TBC1D12: variants seen among roughly 807,000 people sequenced by gnomAD.
The protein encoded by TBC1D12 is TBC1 domain family member 12.
In TBC1D12, 56 loss-of-function variants were observed where a neutral mutation model predicts 86.7. That is an observed-to-expected ratio of 0.65 (90% confidence interval 0.52 to 0.81). The LOEUF (loss-of-function observed/expected upper bound fraction) is 0.81, where lower values mean the gene tolerates loss of function less well. TBC1D12 is among the 30% of genes least tolerant of loss of function. The pLI, the probability that TBC1D12 is intolerant of heterozygous loss-of-function variation, is 0.00. For synonymous variants in TBC1D12, 421 were observed against 411.7 expected, an observed-to-expected ratio of 1.02 and a Z score of -0.27; for missense variants, 1,023 against 1,038.8, an observed-to-expected ratio of 0.98 and a Z score of 0.21.
At chr10:94,490,185 G>A (rs1229582420) in intron 3 of TBC1D12, among the ~76,000 whole-genome samples, 3 of 152,080 alleles carry the variant, frequency 2.0e-5, no homozygotes, top group Non-Finnish European at 4.4e-5. Flanking sequence ...CAACTGGGAG[G>A]TGGAGGTTAC....
rs1017566788 is a variant in TBC1D12, at chr10:94,403,231, C to A, written c.618C>A (p.Ala206=). ...CGCTGCGGAGCTGCTGCCTGGTGGC[C>A]GCGGACGCCCAGGAGCCCGAGGGCG... ...EDPLRSCCLV[A]ADAQEPEGAG... is the part of the protein sequence containing the mutation. The change falls in exon 1 of 13, where the codon GCC becomes GCA. Residue 206 remains alanine, a synonymous_variant. Coordinates refer to ENST00000225235, the MANE Select transcript of TBC1D12 (RefSeq NM_015188.2). 6.6e-7 allele frequency: 1 copy of A among 1,506,942 alleles called. No individual in the cohort carries two copies. The highest frequency in any genetic ancestry group is 8.9e-7 in the Non-Finnish European group (1 of 1,129,760). The allele number at this position is 1,506,942 out of a possible 1,614,324, so 93.3% of individuals were successfully genotyped here. A position where few individuals can be genotyped will look rare whatever the true frequency, so the allele number is the denominator to read the frequency against.
chr10:94,449,333 C>T lies in TBC1D12; in HGVS notation c.1095+7314C>T, dbSNP rs547074752. On this transcript the variant is annotated intron_variant, in intron 2 of 12. Coordinates refer to ENST00000225235, the MANE Select transcript of TBC1D12 (RefSeq NM_015188.2). ...GGTAACTTTGCAAAAATGAAGTTTA[C>T]TACGGTACTCTTATATGCCAGAAAG... Among the ~76,000 whole-genome samples the T allele has an allele frequency of 1.3e-3, 194 of 152,238 alleles. 1 individual carries two copies. The highest frequency in any genetic ancestry group is 2.1e-3 in the Non-Finnish European group (142 of 68,016).
chr10:94,475,108 C>G (rs756227791), intron 3 of TBC1D12, among the ~76,000 whole-genome samples: 1 of 152,138 alleles, frequency 6.6e-6, no homozygotes, highest in African/African-American at 2.4e-5. Flanking sequence ...AAGACTTACG[C>G]ATATTTTCTA....
intron 9 of TBC1D12, among the ~76,000 whole-genome samples, chr10:94,518,069 G>A (rs775771881): frequency 2.0e-5 from 3 of 151,738 alleles, no homozygotes; most frequent in Non-Finnish European, 4.4e-5. Flanking sequence ...AAGGAGAATT[G>A]CTTGAACTCA....
Position 94,472,580 on chromosome 10 carries a change from A to G in TBC1D12, c.1096-2088A>G, listed in dbSNP as rs2055924927. ...GTGAAACCAGGTTACCTTGTAGGAA[A>G]ATAAAACACCATTTAAATTATAACA... is the stretch of plus-strand genomic sequence containing the variant. On this transcript the variant is annotated intron_variant, in intron 2 of 12. Transcript: ENST00000225235. Among the ~76,000 whole-genome samples, 3 of 152,224 alleles carry G rather than the reference A, an allele frequency of 2.0e-5. No individual in the cohort carries two copies. The South Asian group carries it at 6.2e-4, about 32-fold the overall frequency.
intron 1 of TBC1D12, among the ~76,000 whole-genome samples, chr10:94,417,750 CTTTT>C (rs35840263): frequency 5.3e-5 from 7 of 131,700 alleles, no homozygotes; most frequent in Admixed American, 7.7e-5. Context: ...GTCTCTTCTT[CTTTT>C]TTTTTTTTTT....
intron 2 of TBC1D12, among the ~76,000 whole-genome samples, chr10:94,472,600 A>T (rs975154879): frequency 6.6e-6 from 1 of 152,236 alleles, no homozygotes; most frequent in Non-Finnish European, 1.5e-5. Flanking sequence ...CATTTAAATT[A>T]TAACAAATTT....
chr10:94,493,314 G>T (rs2134176578), intron 3 of TBC1D12, 51 bp from the exon 4 acceptor site: 1 of 1,410,654 alleles, frequency 7.1e-7, no homozygotes, highest in Non-Finnish European at 9.9e-7. Context: ...TTAGTAAGTT[G>T]AAAGTTAATC....
chr10:94,529,921 C>T (rs1281562667), intron 11 of TBC1D12, among the ~76,000 whole-genome samples: 1 of 152,138 alleles, frequency 6.6e-6, no homozygotes, highest in Admixed American at 6.5e-5. Flanking sequence ...GAGTTTTATA[C>T]TACCAAAAGT....
At chr10:94,407,525 T>C (rs764968097) in intron 1 of TBC1D12, among the ~76,000 whole-genome samples, 18 of 151,906 alleles carry the variant, frequency 1.2e-4, no homozygotes, top group Non-Finnish European at 2.5e-4. Flanking sequence ...CTACTACAAA[T>C]ACAAAAAAAT....
At position 94,402,655 on chromosome 10, in the gene TBC1D12, C is replaced by T; in HGVS notation, c.42C>T (p.Asn14=). The T allele has an allele frequency of 6.2e-7, 1 of 1,611,428 alleles. No individual in the cohort carries two copies. The highest frequency in any genetic ancestry group is 1.3e-5 in the African/African-American group (1 of 74,998). The change falls in exon 1 of 13, where the codon AAC becomes AAT. Residue 14 remains asparagine (N), a synonymous_variant. Transcript: ENST00000225235. ...PEDAGACSGR[N]PKLLPVPAPD... is the part of the protein sequence containing the mutation. ...ATGCCGGAGCCTGCTCGGGAAGAAA[C>T]CCCAAGTTGCTCCCGGTGCCTGCGC...
chr10:94,483,039 C>CTTTTTT (rs71031579), intron 3 of TBC1D12, among the ~76,000 whole-genome samples: 10 of 124,612 alleles, frequency 8.0e-5, no homozygotes, highest in Non-Finnish European at 1.1e-4. Flanking sequence ...TATTCTTCTT[C>CTTTTTT]TTTTTTTTTT....
chr10:94,491,548 C>T (rs1282725561), intron 3 of TBC1D12, among the ~76,000 whole-genome samples: 1 of 152,304 alleles, frequency 6.6e-6, no homozygotes, highest in African/African-American at 2.4e-5. Context: ...AAGGCAATTT[C>T]AGTTACCTGT....
chr10:94,481,554 C>T (rs564188938), intron 3 of TBC1D12, among the ~76,000 whole-genome samples: 2 of 152,200 alleles, frequency 1.3e-5, no homozygotes, highest in African/African-American at 4.8e-5. Context: ...TCTCACCCTT[C>T]ATAGAATTGA....
Position 94,522,092 on chromosome 10 carries a change from G to T in TBC1D12, c.1890+9G>T. 1.2e-6 allele frequency: 2 copies of T among 1,606,132 alleles called. No individual in the cohort carries two copies. Among genetic ancestry groups the T allele is most frequent in the South Asian group, 2.2e-5 (2 of 89,852 alleles). ...GTGTGGATCACAGCATGGTATGAAT[G>T]GATCATGTTTTCCATTGTTTCTGTA... On this transcript the variant is annotated intron_variant, in intron 10 of 12. Coordinates refer to ENST00000225235, the MANE Select transcript of TBC1D12 (RefSeq NM_015188.2).
intron 2 of TBC1D12, among the ~76,000 whole-genome samples, chr10:94,466,378 A>G (rs1331726507): frequency 6.6e-6 from 1 of 152,054 alleles, no homozygotes; most frequent in East Asian, 1.9e-4. Flanking sequence ...TTCTGCCTGA[A>G]TAATTTCCTT....
At chr10:94,530,320 G>T (rs898533430) in intron 11 of TBC1D12, among the ~76,000 whole-genome samples, 2 of 152,076 alleles carry the variant, frequency 1.3e-5, no homozygotes, top group Admixed American at 6.6e-5. Flanking sequence ...AAACCATTTT[G>T]GTGATTCTAT....
chr10:94,521,728 T>C (rs771242829), intron 9 of TBC1D12, among the ~76,000 whole-genome samples: 2 of 152,222 alleles, frequency 1.3e-5, no homozygotes, highest in Non-Finnish European at 2.9e-5. Context: ...TTTTTGTTTT[T>C]CAAAAATTCT....
chr10:94,417,752 T>C (rs2055018207), intron 1 of TBC1D12, among the ~76,000 whole-genome samples: 1 of 56,662 alleles, frequency 1.8e-5, no homozygotes, highest in Non-Finnish European at 4.1e-5. Context: ...CTCTTCTTCT[T>C]TTTTTTTTTT....
Sources: allele counts gnomAD v4.1 joint callset (sites outside exome capture counted in the v4.1 genomes callset), GRCh38; gene constraint gnomAD v4.1.1; transcripts MANE v1.5; gene names NCBI Gene and HGNC (gene_info 2026-07-23, HGNC 2026-07-21).